The following OLR1 variants were observed in gnomAD, a reference collection of about 807,000 sequenced individuals.
The protein encoded by OLR1 is oxidized low-density lipoprotein receptor 1.
Under a neutral mutation model 31.7 loss-of-function variants are expected in OLR1, and 23 were observed. The observed-to-expected ratio is 0.72, with a 90% CI of 0.52 to 1.03. The LOEUF is 1.03. Among genes scored for constraint, OLR1 ranks in the 50% least tolerant of loss-of-function variants. OLR1 has a pLI of 0.00. For missense variants in OLR1, 286 were observed against 315.7 expected, an observed-to-expected ratio of 0.91 and a Z score of 0.71; for synonymous variants, 117 against 115.8, an observed-to-expected ratio of 1.01 and a Z score of -0.07.
intron 3 of OLR1, among the ~76,000 whole-genome samples, chr12:10,165,611 G>C (rs1948654823): frequency 6.6e-6 from 1 of 151,646 alleles, no homozygotes; most frequent in Non-Finnish European, 1.5e-5. Context: ...GAATGGGGTG[G>C]GGGTGGCAGA....
Position 10,166,877 on chromosome 12 carries a change from C to A in OLR1, c.259G>T (p.Ala87Ser). 1 of 1,613,614 alleles carries A rather than the reference C, an allele frequency of 6.2e-7. No individual in the cohort carries two copies. The highest frequency in any genetic ancestry group is 1.3e-5 in the African/African-American group (1 of 74,856). The change falls in exon 3 of 6, where the codon GCC becomes TCC. Residue 87 changes from alanine to serine, a missense_variant. Transcript: ENST00000309539. ...GAAGCTTCTTCTGCTTGTTGCCGGG[C>A]TGAGATCTGTCCCTCCAGTTTCTTT... ...QKKKLEGQIS[A>S]RQQAEEASQE... is the part of the protein sequence containing the mutation.
chr12:10,170,356 T>C (rs1948701433), intron 1 of OLR1: 1 of 152,202 alleles, frequency 6.6e-6, no homozygotes. Flanking sequence ...GCAGAGAAGT[T>C]GTAGAAGATA....
chr12:10,160,140 G>A, intron 5 of OLR1, 119 bp from the exon 6 acceptor site: 2 of 1,166,172 alleles, frequency 1.7e-6, no homozygotes, highest in Non-Finnish European at 2.4e-6. Context: ...TAATAAATGT[G>A]GGAAGGAAAA....
At chr12:10,160,611 T>G in intron 4 of OLR1, 149 bp from the exon 5 acceptor site, 1 of 978,464 alleles carries the variant, frequency 1.0e-6, no homozygotes, top group Non-Finnish European at 1.6e-6. Context: ...TACTGAAGGC[T>G]AGAGATACTA....
intron 1 of OLR1, among the ~76,000 whole-genome samples, chr12:10,171,744 G>A (rs952620297): frequency 6.6e-6 from 1 of 152,152 alleles, no homozygotes; most frequent in African/African-American, 2.4e-5. Flanking sequence ...ATGTTATTGC[G>A]AAGATTCTGA....
rs1185211259 is a variant in OLR1 at position 10,159,804 on chromosome 12, C to T, written c.*76G>A. The T allele has an allele frequency of 1.4e-6, 2 of 1,447,266 alleles. No individual in the cohort carries two copies. The highest frequency in any genetic ancestry group is 1.4e-5 in the African/African-American group (1 of 71,382). The allele number at this position is 1,447,266 out of a possible 1,614,324, so 89.7% of individuals were successfully genotyped here. ...GTTTTCTGGGCTCTCATGTTTGGCA[C>T]CCAAGTGACAAAGAATAGCTTAAAT... On this transcript the variant is annotated 3_prime_UTR_variant, in exon 6 of 6. Transcript: ENST00000309539.
At chr12:10,164,848 T>C (rs1262954896) in intron 3 of OLR1, among the ~76,000 whole-genome samples, 2 of 152,240 alleles carry the variant, frequency 1.3e-5, no homozygotes, top group African/African-American at 4.8e-5. Flanking sequence ...TGAGTCCCTT[T>C]AGACGGCTAA....
chr12:10,170,330 T>G (rs1446078303), intron 1 of OLR1: 1 of 151,854 alleles, frequency 6.6e-6, no homozygotes, highest in African/African-American at 2.4e-5. Context: ...GCTTCTAGAG[T>G]GTGTGTGGCA....
Position 10,160,043 on chromosome 12 carries a change from A to G in OLR1, c.681-22T>C. The stretch of plus-strand genomic sequence containing the variant: ...AAATCTGCAGGTAGGAAAAAACAAA[A>G]CAAACCAACAAAAAAACTTAGGTTT... On this transcript the variant is annotated intron_variant, in intron 5 of 5. Coordinates refer to ENST00000309539, the MANE Select transcript of OLR1 (RefSeq NM_002543.4). 1.9e-6 allele frequency: 3 copies of G among 1,582,828 alleles called. No individual in the cohort carries two copies. In the South Asian group the frequency reaches 3.4e-5, roughly 18 times the overall value.
chr12:10,161,567 T>C (rs2137504057), intron 3 of OLR1, among the ~76,000 whole-genome samples: 1 of 152,284 alleles, frequency 6.6e-6, no homozygotes, highest in South Asian at 2.1e-4. Flanking sequence ...CTAGTTTGCA[T>C]TTCTTAAAAC....
intron 3 of OLR1, among the ~76,000 whole-genome samples, chr12:10,161,924 G>GATAT (rs34054558): frequency 0.049 from 3,348 of 67,908 alleles, 88 homozygotes; most frequent in African/African-American, 0.12. Context: ...AAATTTTAAT[G>GATAT]ATATATATAT....
chr12:10,173,941 A>G (rs537493621), upstream of OLR1, among the ~76,000 whole-genome samples: 3 of 152,252 alleles, frequency 2.0e-5, no homozygotes, highest in African/African-American at 7.2e-5. Context: ...GTACATTTAC[A>G]TTGTTGTGCA....
At chr12:10,165,398 C>G (rs35275805) in intron 3 of OLR1, among the ~76,000 whole-genome samples, 3,429 of 152,230 alleles carry the variant, frequency 0.023, 140 homozygotes, top group African/African-American at 0.078. Context: ...CCACTGCATT[C>G]CAGCCTGGGC....
chr12:10,162,995 T>G (rs1483736407), intron 3 of OLR1, among the ~76,000 whole-genome samples: 1 of 150,412 alleles, frequency 6.6e-6, no homozygotes, highest in East Asian at 1.9e-4. Flanking sequence ...ATAAACAGAG[T>G]AAGTGATATT....
chr12:10,171,450 T>C (rs775224496), intron 1 of OLR1, among the ~76,000 whole-genome samples: 7 of 152,230 alleles, frequency 4.6e-5, no homozygotes, highest in Non-Finnish European at 2.9e-5. Flanking sequence ...AAATGTAACT[T>C]ATGCTAAACT....
chr12:10,165,520 G>A (rs1416390499), intron 3 of OLR1, among the ~76,000 whole-genome samples: 1 of 152,092 alleles, frequency 6.6e-6, no homozygotes, highest in African/African-American at 2.4e-5. Flanking sequence ...GGGGTAGACA[G>A]TTGCAAGGAC....
At chr12:10,163,984 C>A (rs1355335708) in intron 3 of OLR1, among the ~76,000 whole-genome samples, 5 of 152,064 alleles carry the variant, frequency 3.3e-5, no homozygotes, top group Admixed American at 2.0e-4. Flanking sequence ...GCTATCTCTA[C>A]TAATTAGCCT....
chr12:10,174,573 A>T (rs779856649), upstream of OLR1, among the ~76,000 whole-genome samples: 2 of 152,154 alleles, frequency 1.3e-5, no homozygotes, highest in South Asian at 2.1e-4. Context: ...TCAGCCATCA[A>T]CTCTCCCAGT....
At chr12:10,169,034 C>A in intron 2 of OLR1, 40 bp downstream of exon 2, 1 of 1,406,840 alleles carries the variant, frequency 7.1e-7, no homozygotes, top group Admixed American at 2.0e-5. Context: ...TTCCAACACC[C>A]CTGCCCCAAT....
Sources: gnomAD v4.1 joint callset for allele counts (sites outside exome capture counted in the v4.1 genomes callset) on GRCh38, gnomAD v4.1.1 for gene constraint, MANE v1.5 for transcripts, NCBI Gene and HGNC (gene_info 2026-07-23, HGNC 2026-07-21) for gene names.